EEFSEC: variants seen among roughly 807,000 people sequenced by gnomAD.
EEFSEC encodes selenocysteine-specific elongation factor.
In EEFSEC, 43 loss-of-function variants were observed where a neutral mutation model predicts 42.1. The ratio of observed to expected loss-of-function variants is 1.02; its 90% confidence interval spans 0.80 to 1.32. The LOEUF (loss-of-function observed/expected upper bound fraction) is 1.32. Ranked by LOEUF, EEFSEC falls within the 40% of genes most tolerant of loss-of-function variation. The pLI is 0.00. For synonymous variants in EEFSEC, 354 were observed against 339.1 expected, an observed-to-expected ratio of 1.04 and a Z score of -0.48; for missense variants, 745 against 803.6, an observed-to-expected ratio of 0.93 and a Z score of 0.88.
rs1336862961 is a variant in EEFSEC at position 128,163,950 on chromosome 3, A to AC, written c.316+10127_316+10128insC. Among the ~76,000 whole-genome samples the AC allele has an allele frequency of 2.0e-3, 300 of 151,956 alleles. 1 individual carries two copies. The highest frequency in any genetic ancestry group is 7.1e-3 in the African/African-American group (293 of 41,416). On this transcript the variant is annotated intron_variant, in intron 1 of 6. Transcript: ENST00000254730. ...TGCATTTTTTTGTGAAAAAAAAAAA[A>AC]AACAAAACTATTTCTATTGATTTCT...
chr3:128,368,844 C>G (rs939212731), intron 6 of EEFSEC, among the ~76,000 whole-genome samples: 1 of 152,254 alleles, frequency 6.6e-6, no homozygotes, highest in African/African-American at 2.4e-5. Context: ...TGACACGTGC[C>G]GGAGTCCAGG....
chr3:128,199,340 T>C (rs2065619883), intron 1 of EEFSEC, among the ~76,000 whole-genome samples: 1 of 152,224 alleles, frequency 6.6e-6, no homozygotes, highest in Non-Finnish European at 1.5e-5. Context: ...TGTCCACATA[T>C]ATGTATATTT....
intron 4 of EEFSEC, among the ~76,000 whole-genome samples, chr3:128,312,916 A>G (rs759616545): frequency 1.3e-5 from 2 of 152,208 alleles, no homozygotes; most frequent in African/African-American, 4.8e-5. Context: ...GTTCCCTGGG[A>G]AGATGGTCTG....
At chr3:128,367,497 T>G (rs2067603921) in intron 6 of EEFSEC, among the ~76,000 whole-genome samples, 1 of 152,210 alleles carries the variant, frequency 6.6e-6, no homozygotes. Context: ...CTATTCCTGC[T>G]GGCCCTGAGT....
intron 6 of EEFSEC, among the ~76,000 whole-genome samples, chr3:128,375,286 T>G (rs1320998398): frequency 1.3e-5 from 2 of 152,168 alleles, no homozygotes; most frequent in Non-Finnish European, 2.9e-5. Context: ...GTCTGGGGAT[T>G]GGTAAAGCCA....
chr3:128,401,403 T>A (rs944716862), intron 6 of EEFSEC, among the ~76,000 whole-genome samples: 4 of 152,062 alleles, frequency 2.6e-5, no homozygotes, highest in African/African-American at 9.7e-5. Context: ...CCTGGAGAGG[T>A]GCCCCCTCAC....
chr3:128,343,771 G>T (rs1199754618), intron 5 of EEFSEC, among the ~76,000 whole-genome samples: 1 of 152,172 alleles, frequency 6.6e-6, no homozygotes, highest in African/African-American at 2.4e-5. Flanking sequence ...CCTCCGAAGG[G>T]CTGAGGGAGG....
chr3:128,258,510 T>C (rs2066265735), intron 2 of EEFSEC, among the ~76,000 whole-genome samples: 1 of 152,180 alleles, frequency 6.6e-6, no homozygotes, highest in Non-Finnish European at 1.5e-5. Context: ...GCTGTGAGGA[T>C]TAAATGGAGT....
rs1361822712 is a variant in EEFSEC at position 128,341,474 on chromosome 3, C to T, written c.1028C>T (p.Thr343Ile). 1.2e-6 allele frequency: 2 copies of T among 1,614,052 alleles called. No homozygotes were observed. The highest frequency in any genetic ancestry group is 2.7e-5 in the African/African-American group (2 of 74,930). The change falls in exon 5 of 7, where the codon ACA (threonine) becomes ATA (isoleucine). Residue 343 changes from threonine (T) to isoleucine (I), a missense_variant. Physicochemically the swap from Thr to Ile is moderately conservative, Grantham distance 89. Transcript: ENST00000254730. The stretch of plus-strand genomic sequence containing the variant: ...TTCCACATTACAGTGGGCCATGAAA[C>T]AGTCATGGGCCGGTTGATGTTCTTC... ...AKFHITVGHE[T>I]VMGRLMFFSP... is the part of the protein sequence containing the mutation.
the EEFSEC span, among the ~76,000 whole-genome samples, chr3:128,417,847 T>G: frequency 3.9e-5 from 6 of 152,102 alleles, no homozygotes; most frequent in African/African-American, 1.4e-4. This position sits in a 1 kb window ranked among gnomAD's most constrained non-coding sequence, Gnocchi z 4.3. Context: ...TCACATGTGC[T>G]GAGGTGCCAT....
At chr3:128,183,089 CTTAAGGCTTACCATGAGTA>C (rs1282119518) in intron 1 of EEFSEC, among the ~76,000 whole-genome samples, 3 of 152,160 alleles carry the variant, frequency 2.0e-5, no homozygotes, top group East Asian at 3.8e-4. Flanking sequence ...CCTTTCTGAA[CTTAAGGCTTACCATGAGTA>C]TTAAGGCTTA....
At chr3:128,184,970 G>A (rs1252021228) in intron 1 of EEFSEC, among the ~76,000 whole-genome samples, 2 of 152,130 alleles carry the variant, frequency 1.3e-5, no homozygotes, top group Non-Finnish European at 2.9e-5. Context: ...AGGAGTTTGA[G>A]GCTACAGTGT....
At chr3:128,188,414 A>G (rs1247798926) in intron 1 of EEFSEC, among the ~76,000 whole-genome samples, 1 of 152,020 alleles carries the variant, frequency 6.6e-6, no homozygotes, top group East Asian at 1.9e-4. Flanking sequence ...TGTGGGGTAG[A>G]TGAAAGGGGG....
At chr3:128,192,381 G>A (rs2065534697) in intron 1 of EEFSEC, among the ~76,000 whole-genome samples, 1 of 152,168 alleles carries the variant, frequency 6.6e-6, no homozygotes, top group Non-Finnish European at 1.5e-5. Context: ...AGCAGGCCCT[G>A]GACCCGCTCT....
At chr3:128,261,651 G>A (rs1157383123) in intron 2 of EEFSEC, among the ~76,000 whole-genome samples, 1 of 151,676 alleles carries the variant, frequency 6.6e-6, no homozygotes, top group East Asian at 1.9e-4. Context: ...AGATGCGGGG[G>A]CTTTGCTAGT....
intron 1 of EEFSEC, among the ~76,000 whole-genome samples, chr3:128,235,668 G>A (rs1046562307): frequency 1.3e-5 from 2 of 152,208 alleles, no homozygotes; most frequent in African/African-American, 4.8e-5. Flanking sequence ...AATAGTTACC[G>A]TGGTGTTTTT....
At chr3:128,161,690 C>T (rs574912311) in intron 1 of EEFSEC, among the ~76,000 whole-genome samples, 1 of 152,230 alleles carries the variant, frequency 6.6e-6, no homozygotes, top group Admixed American at 6.5e-5. Flanking sequence ...TCCTTTTTTC[C>T]AGCCTTCTGT....
rs180852162 is a variant in EEFSEC, at chr3:128,245,762, C to T, written c.317-1074C>T. The stretch of plus-strand genomic sequence containing the variant: ...TGTCTGTGAGTCTCCGTTTCTTCAT[C>T]TGAAACATAAGTTTACTGGAGATTA... On this transcript the variant is annotated intron_variant, in intron 1 of 6. Coordinates refer to ENST00000254730, the MANE Select transcript of EEFSEC (RefSeq NM_021937.5). Among the ~76,000 whole-genome samples the T allele has an allele frequency of 3.3e-5, 5 of 152,264 alleles. No individual in the cohort carries two copies. The East Asian group carries it at 9.7e-4, about 29-fold the overall frequency.
chr3:128,242,954 T>C, intron 1 of EEFSEC, among the ~76,000 whole-genome samples: 1 of 152,290 alleles, frequency 6.6e-6, no homozygotes, highest in South Asian at 2.1e-4. Context: ...AGGACACTGT[T>C]TGATTCATTC....
Sources: allele counts gnomAD v4.1 joint callset (sites outside exome capture counted in the v4.1 genomes callset), GRCh38; gene constraint gnomAD v4.1.1; non-coding constraint Gnocchi (gnomAD v3.1); transcripts MANE v1.5; gene names NCBI Gene and HGNC (gene_info 2026-07-23, HGNC 2026-07-21).